The following FHIT variants were observed in gnomAD, a reference collection of about 807,000 sequenced individuals.
The protein encoded by FHIT is bis(5'-adenosyl)-triphosphatase.
Under a neutral mutation model 17.9 loss-of-function variants are expected in FHIT, and 19 were observed. The ratio of observed to expected loss-of-function variants is 1.06; its 90% CI spans 0.74 to 1.56. FHIT has a LOEUF of 1.56. Among genes scored for constraint, FHIT ranks in the 40% most tolerant of loss-of-function variants. The probability of loss-of-function intolerance (pLI) is 0.00; values close to 1 mark genes in which losing one functional copy is unlikely to be tolerated. For synonymous variants in FHIT, 81 were observed against 69.7 expected (o/e 1.16, Z -0.81); for missense variants, 248 against 189.2 (o/e 1.31, Z -1.82).
At chr3:60,820,966 C>CTAT (rs10576663) in intron 4 of FHIT, among the ~76,000 whole-genome samples, 56,527 of 150,212 alleles carry the variant, frequency 0.38, 13,219 homozygotes, top group East Asian at 0.72. Context: ...TACTTTCTTG[C>CTAT]TATTATTATT....
intron 8 of FHIT, among the ~76,000 whole-genome samples, chr3:59,898,055 C>T (rs879585544): frequency 5.3e-5 from 8 of 152,160 alleles, no homozygotes; most frequent in Non-Finnish European, 7.4e-5. Context: ...GCATCAGCCA[C>T]GGTGCCCAGC....
chr3:60,288,946 G>A (rs1399090759), intron 5 of FHIT, among the ~76,000 whole-genome samples: 2 of 152,104 alleles, frequency 1.3e-5, no homozygotes. Context: ...CACAAGTACT[G>A]CCAATGCCAC....
rs534092318 is a variant in FHIT at position 60,051,614 on chromosome 3, C to A, written c.104-37462G>T. Among the ~76,000 whole-genome samples, 52 of 152,246 alleles carry A rather than the reference C, an allele frequency of 3.4e-4. 1 individual carries two copies. In the South Asian group the frequency reaches 0.011, roughly 31 times the overall value. On this transcript the variant is annotated intron_variant, in intron 5 of 9. Transcript: ENST00000492590. ...ACCCCTCACCCTCAACTGCTATTAA[C>A]TGAACCTGGAAATCTGAGTATCTAT...
chr3:60,986,708 T>C (rs1710732697), intron 3 of FHIT, among the ~76,000 whole-genome samples: 1 of 152,170 alleles, frequency 6.6e-6, no homozygotes, highest in South Asian at 2.1e-4. Context: ...GCTCTGGATG[T>C]CAGAGATAGC....
At chr3:60,879,952 A>C (rs1575636093) in intron 3 of FHIT, among the ~76,000 whole-genome samples, 2 of 151,710 alleles carry the variant, frequency 1.3e-5, no homozygotes, top group East Asian at 3.9e-4. Context: ...GAAAAGATGT[A>C]TTAAAAAAAA....
chr3:61,097,724 G>A (rs2035686807), intron 2 of FHIT, among the ~76,000 whole-genome samples: 1 of 151,850 alleles, frequency 6.6e-6, no homozygotes, highest in South Asian at 2.1e-4. Flanking sequence ...TTTTTTTTCA[G>A]ATTTTTGTTG....
At chr3:60,291,736 G>C (rs571329349) in intron 5 of FHIT, among the ~76,000 whole-genome samples, 1 of 152,146 alleles carries the variant, frequency 6.6e-6, no homozygotes, top group East Asian at 1.9e-4. Context: ...TTTAGAGTGA[G>C]CCTTAAATCC....
chr3:59,975,558 T>C (rs1412765865), intron 7 of FHIT, among the ~76,000 whole-genome samples: 4 of 152,104 alleles, frequency 2.6e-5, no homozygotes, highest in Non-Finnish European at 4.4e-5. Context: ...TATCATTCTC[T>C]TTCTACAATT....
intron 5 of FHIT, among the ~76,000 whole-genome samples, chr3:60,317,214 T>C (rs1252961569): frequency 1.3e-5 from 2 of 152,056 alleles, no homozygotes; most frequent in Non-Finnish European, 2.9e-5. Context: ...CTTGTAGTTA[T>C]GTATGAACAC....
At chr3:60,395,716 A>T (rs182076919) in intron 5 of FHIT, among the ~76,000 whole-genome samples, 1 of 152,302 alleles carries the variant, frequency 6.6e-6, no homozygotes, top group East Asian at 1.9e-4. Context: ...AGTAATTCCC[A>T]AGATCAAATT....
At chr3:60,263,975 T>G (rs1484334074) in intron 5 of FHIT, among the ~76,000 whole-genome samples, 5 of 151,896 alleles carry the variant, frequency 3.3e-5, no homozygotes, top group Admixed American at 6.6e-5. Context: ...CCAATCATCT[T>G]AAATATTTTT....
chr3:60,782,311 T>A (rs1254280480), intron 4 of FHIT, among the ~76,000 whole-genome samples: 1 of 151,728 alleles, frequency 6.6e-6, no homozygotes, highest in Non-Finnish European at 1.5e-5. Flanking sequence ...AATAAAAAGA[T>A]GAAAGACAAG....
At chr3:60,872,816 C>T (rs575586396) in intron 3 of FHIT, among the ~76,000 whole-genome samples, 89 of 152,134 alleles carry the variant, frequency 5.9e-4, no homozygotes, top group Non-Finnish European at 9.9e-4. Context: ...TGCTTAACTC[C>T]TTTCAGGAAA....
At chr3:60,585,941 A>G (rs575651853) in intron 4 of FHIT, among the ~76,000 whole-genome samples, 1 of 152,018 alleles carries the variant, frequency 6.6e-6, no homozygotes, top group East Asian at 1.9e-4. Context: ...GTACATCAGA[A>G]CTCTCCAAGT....
At chr3:60,153,738 G>A (rs903429199) in intron 5 of FHIT, among the ~76,000 whole-genome samples, 1 of 152,118 alleles carries the variant, frequency 6.6e-6, no homozygotes, top group Non-Finnish European at 1.5e-5. Flanking sequence ...TTATCATTCT[G>A]CTCTAGATCT....
intron 5 of FHIT, among the ~76,000 whole-genome samples, chr3:60,513,934 G>A (rs921586518): frequency 2.0e-5 from 3 of 152,202 alleles, no homozygotes; most frequent in African/African-American, 7.2e-5. Context: ...GAGAAGAGGA[G>A]AGAAGTGTCT....
intron 8 of FHIT, among the ~76,000 whole-genome samples, chr3:59,887,644 C>T (rs1367657439): frequency 6.6e-6 from 1 of 152,144 alleles, no homozygotes; most frequent in East Asian, 1.9e-4. Context: ...AGTAAAATAC[C>T]AGGGTGCAAT....
At chr3:60,073,849 A>T (rs1702890044) in intron 5 of FHIT, among the ~76,000 whole-genome samples, 1 of 152,112 alleles carries the variant, frequency 6.6e-6, no homozygotes, top group South Asian at 2.1e-4. Context: ...TACAATATAA[A>T]CACTGCTACT....
At chr3:60,550,693 G>T (rs1406369839) in intron 4 of FHIT, among the ~76,000 whole-genome samples, 2 of 150,522 alleles carry the variant, frequency 1.3e-5, no homozygotes, top group Non-Finnish European at 2.9e-5. Context: ...CTAAAAAGAT[G>T]TTCAGGGATT....
Sources: allele counts gnomAD v4.1 joint callset (sites outside exome capture counted in the v4.1 genomes callset), GRCh38; gene constraint gnomAD v4.1.1; transcripts MANE v1.5; gene names NCBI Gene and HGNC (gene_info 2026-07-23, HGNC 2026-07-21).